Variants in ESRRG observed in about 807,000 individuals in gnomAD.
ESRRG encodes estrogen-related receptor gamma.
In ESRRG, 13 loss-of-function variants were observed where a neutral mutation model predicts 44.0. The ratio of observed to expected loss-of-function variants is 0.30; its 90% CI spans 0.19 to 0.47. The LOEUF is 0.47. Ranked by LOEUF, ESRRG falls within the 20% of genes least tolerant of loss-of-function variation. The pLI is 1.00. For missense variants in ESRRG, 395 were observed against 580.6 expected, an observed-to-expected ratio of 0.68 and a Z score of 3.29; for synonymous variants, 215 against 214.6, an observed-to-expected ratio of 1.00 and a Z score of -0.02.
intron 3 of ESRRG, among the ~76,000 whole-genome samples, chr1:216,591,387 G>C (rs1448241210): frequency 6.6e-6 from 1 of 152,210 alleles, no homozygotes; most frequent in Non-Finnish European, 1.5e-5. Flanking sequence ...CTCCCAGTCA[G>C]GCTTATGGGA....
chr1:216,509,906 C>G (rs543140887), intron 6 of ESRRG, among the ~76,000 whole-genome samples: 1 of 152,122 alleles, frequency 6.6e-6, no homozygotes, highest in African/African-American at 2.4e-5. Flanking sequence ...GTTTTAATCT[C>G]TGTTTTGTTC....
intron 5 of ESRRG, among the ~76,000 whole-genome samples, chr1:216,524,259 TA>T (rs1438513897): frequency 6.8e-6 from 1 of 146,828 alleles, no homozygotes; most frequent in African/African-American, 2.5e-5. Context: ...GTTATATATA[TA>T]TATATATAGT....
chr1:216,519,065 G>T (rs145594586), intron 6 of ESRRG, 87 bp downstream of exon 6: 3 of 1,214,664 alleles, frequency 2.5e-6, no homozygotes, highest in African/African-American at 1.5e-5. Context: ...TACAAACCAG[G>T]TCTAGCAAAT....
chr1:217,037,588 C>A (rs1464451706), intron 1 of ESRRG, among the ~76,000 whole-genome samples: 1 of 152,084 alleles, frequency 6.6e-6, no homozygotes, highest in South Asian at 2.1e-4. Context: ...GGTGGGGACA[C>A]AGCCAAGTCA....
chr1:216,708,742 C>A (rs2082943938), intron 1 of ESRRG, among the ~76,000 whole-genome samples: 1 of 152,176 alleles, frequency 6.6e-6, no homozygotes, highest in Admixed American at 6.5e-5. Flanking sequence ...ATAAATCATT[C>A]TATTATAAAG....
intron 2 of ESRRG, among the ~76,000 whole-genome samples, chr1:216,812,039 C>A (rs1048327015): frequency 6.6e-6 from 1 of 152,140 alleles, no homozygotes; most frequent in Admixed American, 6.5e-5. Context: ...AGAGGTAATA[C>A]TGTTTATCCA....
intron 2 of ESRRG, among the ~76,000 whole-genome samples, chr1:216,903,065 A>G (rs2059269165): frequency 1.3e-5 from 2 of 152,140 alleles, no homozygotes; most frequent in Admixed American, 6.5e-5. Context: ...AATTGTATAC[A>G]TGTGTTTGTT....
At chr1:216,996,500 T>C (rs2076394446) in intron 1 of ESRRG, among the ~76,000 whole-genome samples, 1 of 152,090 alleles carries the variant, frequency 6.6e-6, no homozygotes, top group African/African-American at 2.4e-5. Context: ...TATAGTAATT[T>C]ATGCATACTG....
intron 1 of ESRRG, among the ~76,000 whole-genome samples, chr1:217,103,979 C>T (rs952144323): frequency 6.6e-6 from 1 of 152,128 alleles, no homozygotes; most frequent in Non-Finnish European, 1.5e-5. Context: ...ATGGCAGGAT[C>T]AACCTCACTT....
At chr1:216,941,158 T>A (rs1277662685) in intron 1 of ESRRG, among the ~76,000 whole-genome samples, 1 of 152,156 alleles carries the variant, frequency 6.6e-6, no homozygotes, top group African/African-American at 2.4e-5. Flanking sequence ...TAAGAGCCTG[T>A]TAAAAAGCTG....
At chr1:216,816,132 G>A (rs969396856) in intron 2 of ESRRG, among the ~76,000 whole-genome samples, 1 of 152,134 alleles carries the variant, frequency 6.6e-6, no homozygotes, top group African/African-American at 2.4e-5. Flanking sequence ...TTCATCGTGG[G>A]TCATCAGAGT....
chr1:216,684,662 A>G (rs557850453), intron 1 of ESRRG, among the ~76,000 whole-genome samples: 56 of 152,306 alleles, frequency 3.7e-4, no homozygotes, highest in African/African-American at 1.3e-3. Context: ...CTGGCTAATC[A>G]TCTACATCGG....
At chr1:217,113,859 G>A (rs80287199) in intron 1 of ESRRG, among the ~76,000 whole-genome samples, 225 of 152,120 alleles carry the variant, frequency 1.5e-3, no homozygotes, top group African/African-American at 5.0e-3. Flanking sequence ...TGGGTGTAGC[G>A]GTGCATGCCT....
At chr1:216,905,116 A>G (rs1450943936) in intron 2 of ESRRG, among the ~76,000 whole-genome samples, 1 of 152,156 alleles carries the variant, frequency 6.6e-6, no homozygotes, top group African/African-American at 2.4e-5. Context: ...ACAGGGACGG[A>G]ACTTCAATAA....
chr1:216,663,918 C>A (rs2073202400), intron 2 of ESRRG, among the ~76,000 whole-genome samples: 1 of 152,080 alleles, frequency 6.6e-6, no homozygotes, highest in African/African-American at 2.4e-5. Context: ...AGAACTGACA[C>A]AGGAAATGGA....
chr1:216,977,341 T>TATATACACACACACAC (rs146010546), intron 1 of ESRRG, among the ~76,000 whole-genome samples: 2 of 144,086 alleles, frequency 1.4e-5, no homozygotes, highest in East Asian at 4.1e-4. Flanking sequence ...GGAGGATACA[T>TATATACACACACACAC]ACACACACAC....
At position 216,831,995 on chromosome 1, in the gene ESRRG, T is replaced by C. The variant is rs902523924; in HGVS notation, c.-14+107587A>G. Among the ~76,000 whole-genome samples, 9 of 152,226 alleles carry C rather than the reference T, an allele frequency of 5.9e-5. No homozygotes were observed. The South Asian group carries it at 1.9e-3, about 32-fold the overall frequency. ...GAGCTGCCTGTCTGCAAATGATTCT[T>C]CATGCTTTATTTTGCTACACAGAGA... On this transcript the variant is annotated intron_variant, in intron 2 of 7. Transcript: ENST00000359162.
At chr1:216,596,108 G>A (rs1017031297) in intron 3 of ESRRG, among the ~76,000 whole-genome samples, 1 of 152,130 alleles carries the variant, frequency 6.6e-6, no homozygotes, top group East Asian at 1.9e-4. Flanking sequence ...TGAGAAAGTC[G>A]AATGAGGAAC....
chr1:216,531,134 A>G (rs1479110755), intron 5 of ESRRG, among the ~76,000 whole-genome samples: 1 of 152,172 alleles, frequency 6.6e-6, no homozygotes, highest in Non-Finnish European at 1.5e-5. Context: ...AAGAACGTAG[A>G]AGAAATATGT....
Sources: allele counts gnomAD v4.1 joint callset (sites outside exome capture counted in the v4.1 genomes callset), GRCh38; gene constraint gnomAD v4.1.1; transcripts MANE v1.5; gene names NCBI Gene and HGNC (gene_info 2026-07-23, HGNC 2026-07-21).